The following CIZ1 variants were observed in gnomAD, a reference collection of about 807,000 sequenced individuals.
CIZ1 encodes cip1-interacting zinc finger protein.
Under a neutral mutation model 118.6 loss-of-function variants are expected in CIZ1, and 58 were observed. That is an observed-to-expected ratio of 0.49 (90% CI 0.40 to 0.61). CIZ1 has a LOEUF of 0.61. CIZ1 is among the 20% of genes least tolerant of loss of function. The probability of loss-of-function intolerance (pLI) is 0.00; values close to 1 mark genes in which losing one functional copy is unlikely to be tolerated. For missense variants in CIZ1, 921 were observed against 1,115.9 expected, an observed-to-expected ratio of 0.83 and a Z score of 2.49; for synonymous variants, 448 against 443.4, an observed-to-expected ratio of 1.01 and a Z score of -0.13.
intron 1 of CIZ1, among the ~76,000 whole-genome samples, chr9:128,200,670 A>G (rs867203271): frequency 6.7e-6 from 1 of 150,128 alleles, no homozygotes; most frequent in Non-Finnish European, 1.5e-5. Flanking sequence ...AAAAAAAAAA[A>G]GAAAGAAATA....
At chr9:128,179,461 C>T (rs1831288424) in intron 7 of CIZ1, 46 bp from the exon 8 acceptor site, 9 of 1,515,870 alleles carry the variant, frequency 5.9e-6, no homozygotes, top group Non-Finnish European at 7.0e-6. Flanking sequence ...TCAAAGAGGC[C>T]CCAGGGGCTC....
chr9:128,196,417 G>A (rs2131044054), upstream of CIZ1, among the ~76,000 whole-genome samples: 1 of 152,088 alleles, frequency 6.6e-6, no homozygotes, highest in East Asian at 1.9e-4. Flanking sequence ...GCATGGTGGT[G>A]TGTGCCTGTA....
intron 3 of CIZ1, among the ~76,000 whole-genome samples, chr9:128,188,861 C>T (rs534391437): frequency 3.3e-5 from 5 of 151,406 alleles, no homozygotes; most frequent in Admixed American, 1.3e-4. Context: ...TACGGTGGCG[C>T]GATCTCAGCT....
At chr9:128,172,798 G>A (rs1427100728) in intron 11 of CIZ1, among the ~76,000 whole-genome samples, 1 of 152,074 alleles carries the variant, frequency 6.6e-6, no homozygotes, top group African/African-American at 2.4e-5. Flanking sequence ...TCATGTGTCT[G>A]TGTCCTTGTA....
Position 128,166,258 on chromosome 9 carries a change from T to C in CIZ1, c.2636A>G (p.Lys879Arg), listed in dbSNP as rs943403155. The C allele has an allele frequency of 8.1e-6, 12 of 1,473,386 alleles. No individual in the cohort carries two copies. Among genetic ancestry groups the C allele is most frequent in the South Asian group, 3.7e-5 (3 of 81,280 alleles). 91.3% of individuals were successfully genotyped at this position (1,473,386 alleles called of 1,614,324 possible). Residue 879 changes from lysine to arginine, a missense_variant, in exon 17 of 17, where the codon AAG (lysine) becomes AGG (arginine). Physicochemically the swap from Lys to Arg is conservative, Grantham distance 26. Transcript: ENST00000372938. This position sits in a 1 kb window ranked among gnomAD's most constrained non-coding sequence, Gnocchi z 4.4. ...QPNTQDKTPS[K>R]VTARPSQPPL... ...GGGCTGGGAGGGTCGAGCCGTCACC[T>C]TGCTGGGTGTTTTGTCCTGGGTGTT... is the stretch of plus-strand genomic sequence containing the variant.
At chr9:128,184,766 C>T (rs1472652581) in intron 5 of CIZ1, among the ~76,000 whole-genome samples, 1 of 152,120 alleles carries the variant, frequency 6.6e-6, no homozygotes, top group Non-Finnish European at 1.5e-5. Flanking sequence ...CTCCTGGGTT[C>T]AAGCGATTCT....
At chr9:128,194,974 C>T (rs562033921), upstream of CIZ1, among the ~76,000 whole-genome samples, 128 of 152,256 alleles carry the variant, frequency 8.4e-4, 1 homozygote, top group African/African-American at 2.6e-3. Flanking sequence ...CATGCCACCA[C>T]GCCCAGCAAA....
chr9:128,184,747 A>C (rs1832133276), intron 5 of CIZ1, among the ~76,000 whole-genome samples: 1 of 152,008 alleles, frequency 6.6e-6, no homozygotes, highest in Non-Finnish European at 1.5e-5. Flanking sequence ...GGCTCACTGC[A>C]AGCTCTGCCT....
upstream of CIZ1, chr9:128,192,089 C>G: frequency 2.1e-6 from 1 of 474,624 alleles, no homozygotes; most frequent in Non-Finnish European, 3.5e-6. Flanking sequence ...AGGGTCGAGG[C>G]CAATTATCAA....
intron 11 of CIZ1, among the ~76,000 whole-genome samples, chr9:128,171,660 CCAGGAGGCGGAGGTTG>C (rs1316578615): frequency 6.6e-6 from 1 of 151,980 alleles, no homozygotes; most frequent in Non-Finnish European, 1.5e-5. Flanking sequence ...TTGCTTGAAC[CCAGGAGGCGGAGGTTG>C]CAGTGAGCCA....
chr9:128,200,886 A>G (rs1445700015), intron 1 of CIZ1, among the ~76,000 whole-genome samples: 2 of 151,856 alleles, frequency 1.3e-5, no homozygotes, highest in Non-Finnish European at 2.9e-5. Flanking sequence ...CCGTAATCCC[A>G]ACACTTTGGG....
chr9:128,201,841 A>C (rs537362903), intron 1 of CIZ1, among the ~76,000 whole-genome samples: 1 of 152,288 alleles, frequency 6.6e-6, no homozygotes, highest in Admixed American at 6.5e-5. Context: ...TAAGGCCCAG[A>C]TTAGACTCCT....
In CIZ1 at chr9:128,191,251, T is replaced by G; in HGVS notation, c.-6+181A>C. The G allele has an allele frequency of 4.2e-6, 1 of 236,396 alleles. No homozygotes were observed. The allele number at this position is 236,396 out of a possible 1,614,324, so 14.6% of individuals were successfully genotyped here. ...CCCTCTCTGGGCCCCCGGGTGTCAA[T>G]AACATCGGCACCCGTCCAACCCGGT... On this transcript the variant is annotated intron_variant, in intron 1 of 16. Transcript: ENST00000372938. This position sits in a 1 kb window ranked among gnomAD's most constrained non-coding sequence, Gnocchi z 5.5.
At chr9:128,174,632 T>G (rs1332007128) in intron 11 of CIZ1, among the ~76,000 whole-genome samples, 1 of 151,570 alleles carries the variant, frequency 6.6e-6, no homozygotes, top group Non-Finnish European at 1.5e-5. Context: ...GGTGAGGGGG[T>G]CGTAGGTAGG....
At chr9:128,182,825 T>C (rs1290530024) in intron 5 of CIZ1, among the ~76,000 whole-genome samples, 1 of 151,918 alleles carries the variant, frequency 6.6e-6, no homozygotes, top group African/African-American at 2.4e-5. Flanking sequence ...GGTCTCACTG[T>C]GTTTCCTAGG....
rs1235857170 is a variant in CIZ1, at chr9:128,203,787, C to T, written c.-6+399G>A. ...CCAGCCGGAGCGAGGAGGCCCTCCC[C>T]CCACCACGAGAGCCCCTCGGGGCAG... On this transcript the variant is annotated intron_variant, in intron 1 of 17. Transcript: ENST00000372948. This position sits in a 1 kb window ranked among gnomAD's most constrained non-coding sequence, Gnocchi z 5.3. 6.7e-6 allele frequency among the ~76,000 whole-genome samples: 1 copy of T among 149,430 alleles called. No individual in the cohort carries two copies. The highest frequency in any genetic ancestry group is 2.5e-5 in the African/African-American group (1 of 40,794).
Position 128,177,546 on chromosome 9 carries a change from C to CCAAAAAACAGT in CIZ1, c.1818+19_1818+20insACTGTTTTTTG. On this transcript the variant is annotated intron_variant, in intron 10 of 16. Transcript: ENST00000372938. Reference sequence around the variant, plus strand: ...CACGCAGGCCCCACCCCTCCCCACCCTTATCTCCTGTATCAGTACCTGCTG... The same window carrying CCAAAAAACAGT: ...CACGCAGGCCCCACCCCTCCCCACCCCAAAAAACAGTTTATCTCCTGTATCAGTACCTGCTG... 1.5e-6 allele frequency: 2 copies of CCAAAAAACAGT among 1,353,440 alleles called. No homozygotes were observed. Among genetic ancestry groups the CCAAAAAACAGT allele is most frequent in the Non-Finnish European group, 9.9e-7 (1 of 1,013,736 alleles). The allele number at this position is 1,353,440 out of a possible 1,614,324, so 83.8% of individuals were successfully genotyped here.
intron 3 of CIZ1, among the ~76,000 whole-genome samples, chr9:128,188,799 A>T (rs1832765858): frequency 6.8e-6 from 1 of 147,818 alleles, no homozygotes; most frequent in Non-Finnish European, 1.5e-5. Flanking sequence ...CGCCCAGCCA[A>T]TTTTTTTTTT....
intron 14 of CIZ1, chr9:128,167,388 TC>T (rs1436833749): frequency 1.9e-6 from 1 of 529,842 alleles, no homozygotes; most frequent in Non-Finnish European, 3.3e-6. Context: ...AGCCCCCTCC[TC>T]CAGGAAGCCC....
Sources: allele counts gnomAD v4.1 joint callset (sites outside exome capture counted in the v4.1 genomes callset), GRCh38; gene constraint gnomAD v4.1.1; non-coding constraint Gnocchi (gnomAD v3.1); transcripts MANE v1.5; gene names NCBI Gene and HGNC (gene_info 2026-07-23, HGNC 2026-07-21).